The following PDXK variants were observed in gnomAD, a reference collection of about 807,000 sequenced individuals.
PDXK encodes the protein pyridoxal kinase, also known as epididymis secretory sperm binding protein Li 1a.
In PDXK, 15 loss-of-function variants were observed where a neutral mutation model predicts 43.2. That is an observed-to-expected ratio of 0.35 (90% CI 0.23 to 0.53). The LOEUF (loss-of-function observed/expected upper bound fraction) is 0.53, where lower values mean the gene tolerates loss of function less well. Ranked by LOEUF, PDXK falls within the 20% of genes least tolerant of loss-of-function variation. The pLI is 0.92. For missense variants in PDXK, 343 were observed against 417.0 expected (o/e 0.82, Z 1.54); for synonymous variants, 172 against 165.4 (o/e 1.04, Z -0.31).
In PDXK at chr21:43,755,775, C is replaced by T. The variant is rs368857575; in HGVS notation, c.826+11C>T. On this transcript the variant is annotated intron_variant, in intron 10 of 10. Transcript: ENST00000291565. ...TCCAGTGTGCAAAAGGTACGGCGGCCGGGCTGCATGGGCTGCGTGGGCTCC... is the reference window on the plus strand; with the variant it reads ...TCCAGTGTGCAAAAGGTACGGCGGCTGGGCTGCATGGGCTGCGTGGGCTCC... The T allele has an allele frequency of 1.2e-5, 19 of 1,611,852 alleles. No homozygotes were observed. The highest frequency in any genetic ancestry group is 6.6e-5 in the South Asian group (6 of 91,030).
At chr21:43,753,780 A>T in intron 9 of PDXK, 61 bp downstream of exon 9, 1 of 1,525,086 alleles carries the variant, frequency 6.6e-7, no homozygotes, top group Non-Finnish European at 8.9e-7. Flanking sequence ...GGGGAGCAGG[A>T]TATGAGAGTC....
chr21:43,750,961 C>CATAT (rs1555885784), intron 7 of PDXK, among the ~76,000 whole-genome samples: 1 of 35,310 alleles, frequency 2.8e-5, no homozygotes, highest in African/African-American at 1.0e-4. Context: ...CATGTGTGTG[C>CATAT]ATGTGTGTGT....
At chr21:43,722,899 G>A (rs2003773) in intron 1 of PDXK, among the ~76,000 whole-genome samples, 100,505 of 152,098 alleles carry the variant, frequency 0.66, 33,828 homozygotes, top group South Asian at 0.83. Context: ...GTGCAGTGGC[G>A]CGATCTCGGC....
In PDXK at chr21:43,732,697, G is replaced by A. The variant is rs532743684; in HGVS notation, c.88-1372G>A. 84 of 755,384 alleles carry A rather than the reference G, an allele frequency of 1.1e-4. No individual in the cohort carries two copies. The highest frequency in any genetic ancestry group is 5.6e-4 in the Admixed American group (32 of 56,666). 46.8% of individuals were successfully genotyped at this position (755,384 alleles called of 1,614,324 possible). On this transcript the variant is annotated intron_variant, in intron 1 of 10. Transcript: ENST00000291565. This position sits in a 1 kb window ranked among gnomAD's most constrained non-coding sequence, Gnocchi z 4.1. ...TACTGCAAGCTATCTGTGTATAGAG[G>A]CTGTGGATTCGGGCTGGTACATTTG...
rs1010690896 is a variant in PDXK, at chr21:43,719,217, C to G, written c.-78C>G. ...GGGAGCCGGGGCCGGAGCCCGAGCC[C>G]GAGCCGAGCCGGAGCCCGAGCGAGC... is the stretch of plus-strand genomic sequence containing the variant. On this transcript the variant is annotated 5_prime_UTR_variant, in exon 1 of 11. Transcript: ENST00000291565. 2 of 813,340 alleles carry G rather than the reference C, an allele frequency of 2.5e-6. No homozygotes were observed. The highest frequency in any genetic ancestry group is 3.3e-6 in the Non-Finnish European group (2 of 604,808). The allele number at this position is 813,340 out of a possible 1,614,324, so 50.4% of individuals were successfully genotyped here. A position where few individuals can be genotyped will look rare whatever the true frequency, so the allele number is the denominator to read the frequency against.
At chr21:43,750,758 CGT>C (rs945185468) in intron 7 of PDXK, among the ~76,000 whole-genome samples, 1 of 136,116 alleles carries the variant, frequency 7.3e-6, no homozygotes, top group Admixed American at 7.5e-5. Context: ...TGCATGTGTG[CGT>C]GTGTGCGCGC....
Position 43,734,085 on chromosome 21 carries a change from T to C in PDXK, c.104T>C (p.Ile35Thr), listed in dbSNP as rs191647922. The C allele has an allele frequency of 1.5e-5, 25 of 1,614,238 alleles. No individual in the cohort carries two copies. In the Admixed American group the frequency reaches 3.3e-4, roughly 22 times the overall value. ...TFPLQVLGFE[I>T]DAVNSVQFSN... ...GTCTTGCAGGTTTTGGGATTTGAGATTGACGCGGTGAACTCTGTCCAGTTT... is the reference window on the plus strand; with the variant it reads ...GTCTTGCAGGTTTTGGGATTTGAGACTGACGCGGTGAACTCTGTCCAGTTT... Residue 35 changes from isoleucine (I) to threonine (T), a missense_variant, in exon 2 of 11, where the codon ATT becomes ACT. Physicochemically the swap from Ile to Thr is moderately conservative, Grantham distance 89. Transcript: ENST00000291565. The surrounding 1 kb of genome is among the most constrained non-coding windows in gnomAD (Gnocchi z 5.0).
At position 43,719,199 on chromosome 21, in the gene PDXK, G is replaced by C; in HGVS notation, c.-96G>C. 1.8e-6 allele frequency: 1 copy of C among 568,574 alleles called. No homozygotes were observed. The highest frequency in any genetic ancestry group is 2.5e-6 in the Non-Finnish European group (1 of 393,220). The allele number at this position is 568,574 out of a possible 1,614,324, so 35.2% of individuals were successfully genotyped here. A position where few individuals can be genotyped will look rare whatever the true frequency, so the allele number is the denominator to read the frequency against. On this transcript the variant is annotated 5_prime_UTR_variant, in exon 1 of 11. Coordinates refer to ENST00000291565, the MANE Select transcript of PDXK (RefSeq NM_003681.5). ...GCCAGAGTCGCAGCCGAGGGGAGCC[G>C]GGGCCGGAGCCCGAGCCCGAGCCGA...
chr21:43,721,283 C>T (rs948942164), intron 1 of PDXK, among the ~76,000 whole-genome samples: 5 of 152,240 alleles, frequency 3.3e-5, no homozygotes, highest in African/African-American at 4.8e-5. Flanking sequence ...TCCAAGGGGA[C>T]GTGTCCCCAA....
chr21:43,728,727 C>T (rs951086978), intron 1 of PDXK: 3 of 985,514 alleles, frequency 3.0e-6, no homozygotes, highest in East Asian at 1.1e-4. Context: ...CACCACCGGC[C>T]GAGGGAGGAG....
At position 43,734,262 on chromosome 21, in the gene PDXK, G is replaced by A; in HGVS notation, c.142+139G>A. On this transcript the variant is annotated intron_variant, in intron 2 of 10. Coordinates refer to ENST00000291565, the MANE Select transcript of PDXK (RefSeq NM_003681.5). This position sits in a 1 kb window ranked among gnomAD's most constrained non-coding sequence, Gnocchi z 5.0. ...TGTGGACGGGGACCTGGAGTCCTGGGCGTCGCTCGGGCAGAGCCTGCACAG... is the reference window on the plus strand; with the variant it reads ...TGTGGACGGGGACCTGGAGTCCTGGACGTCGCTCGGGCAGAGCCTGCACAG... 1.3e-6 allele frequency: 1 copy of A among 796,034 alleles called. No homozygotes were observed. The highest frequency in any genetic ancestry group is 1.7e-5 in the African/African-American group (1 of 59,970). The allele number at this position is 796,034 out of a possible 1,614,324, so 49.3% of individuals were successfully genotyped here. A position where few individuals can be genotyped will look rare whatever the true frequency, so the allele number is the denominator to read the frequency against.
At chr21:43,728,658 G>T in intron 1 of PDXK, 1 of 943,484 alleles carries the variant, frequency 1.1e-6, no homozygotes, top group Non-Finnish European at 1.3e-6. Context: ...CGCGCACGTG[G>T]GCCCTGGGAG....
At chr21:43,755,836 C>T (rs35040005) in intron 10 of PDXK, 72 bp downstream of exon 10, 50,420 of 1,489,312 alleles carry the variant, frequency 0.034, 1,157 homozygotes, top group Middle Eastern at 0.12. Flanking sequence ...AGAGCTGGCA[C>T]GTGCTGGTTT....
rs1426150328 is a variant in PDXK at position 43,762,280 on chromosome 21, A to G, written c.*6217A>G. 6.6e-6 allele frequency: 1 copy of G among 152,272 alleles called. No homozygotes were observed. The highest frequency in any genetic ancestry group is 1.5e-5 in the Non-Finnish European group (1 of 68,096). The allele number at this position is 152,272 out of a possible 1,614,324, so 9.4% of individuals were successfully genotyped here. On this transcript the variant is annotated 3_prime_UTR_variant, in exon 11 of 11. Coordinates refer to ENST00000291565, the MANE Select transcript of PDXK (RefSeq NM_003681.5). Reference sequence around the variant, plus strand: ...CTGTTGACTTGTATGATATCCACAAATAAATATTTTCATGGCGGTCGTGTT... The same window carrying G: ...CTGTTGACTTGTATGATATCCACAAGTAAATATTTTCATGGCGGTCGTGTT...
At chr21:43,728,952 A>T in intron 1 of PDXK, 1 of 985,524 alleles carries the variant, frequency 1.0e-6, no homozygotes, top group Non-Finnish European at 1.2e-6. Context: ...CCCCCAGGGC[A>T]GAGTGTAGCC....
At chr21:43,740,563 G>GC (rs1017723665) in intron 2 of PDXK, among the ~76,000 whole-genome samples, 1 of 151,998 alleles carries the variant, frequency 6.6e-6, no homozygotes, top group Non-Finnish European at 1.5e-5. Flanking sequence ...GTGGATGGCT[G>GC]CCCCCTGAGC....
Position 43,753,623 on chromosome 21 carries a change from G to T in PDXK, c.663G>T (p.Met221Ile). 3 of 1,613,598 alleles carry T rather than the reference G, an allele frequency of 1.9e-6. No individual in the cohort carries two copies. The highest frequency in any genetic ancestry group is 2.5e-6 in the Non-Finnish European group (3 of 1,179,678). Residue 221 changes from methionine to isoleucine, a missense_variant, in exon 9 of 11, where the codon ATG (methionine) becomes ATT (isoleucine). By Grantham distance (10) the Met-to-Ile change is conservative. Transcript: ENST00000291565. ...AGSVVMERIR[M>I]DIRKVDAVFV... ...CCGTGGTGATGGAACGCATCCGGAT[G>T]GACATTCGCAAAGTGGACGCCGTCT...
Position 43,734,267 on chromosome 21 carries a change from G to A in PDXK, c.142+144G>A, listed in dbSNP as rs1032718304. 20 of 760,244 alleles carry A rather than the reference G, an allele frequency of 2.6e-5. No individual in the cohort carries two copies. In the African/African-American group the frequency reaches 2.7e-4, roughly 10 times the overall value. The allele number at this position is 760,244 out of a possible 1,614,324, so 47.1% of individuals were successfully genotyped here. On this transcript the variant is annotated intron_variant, in intron 2 of 10. Transcript: ENST00000291565. The surrounding 1 kb of genome is among the most constrained non-coding windows in gnomAD (Gnocchi z 5.0). ...ACGGGGACCTGGAGTCCTGGGCGTC[G>A]CTCGGGCAGAGCCTGCACAGCATAT...
intron 1 of PDXK, among the ~76,000 whole-genome samples, chr21:43,722,683 G>A (rs752886849): frequency 6.6e-6 from 1 of 151,842 alleles, no homozygotes; most frequent in Non-Finnish European, 1.5e-5. Context: ...AGGCTTCTGG[G>A]GCTCACGGCC....
Sources: allele counts gnomAD v4.1 joint callset (sites outside exome capture counted in the v4.1 genomes callset), GRCh38; gene constraint gnomAD v4.1.1; non-coding constraint Gnocchi (gnomAD v3.1); transcripts MANE v1.5; gene names NCBI Gene and HGNC (gene_info 2026-07-23, HGNC 2026-07-21).